The following WDPCP variants were observed in gnomAD, a reference collection of about 807,000 sequenced individuals.
The protein encoded by WDPCP is WD repeat containing planar cell polarity effector.
Under a neutral mutation model 93.1 loss-of-function variants are expected in WDPCP, and 71 were observed. That is an observed-to-expected ratio of 0.76 (90% CI 0.63 to 0.93). The LOEUF is 0.93. WDPCP is among the 40% of genes least tolerant of loss of function. WDPCP has a pLI of 0.00. For missense variants in WDPCP, 844 were observed against 887.4 expected, an observed-to-expected ratio of 0.95 and a Z score of 0.62; for synonymous variants, 315 against 315.0, an observed-to-expected ratio of 1.00 and a Z score of 0.00.
chr2:63,595,297 A>C, intron 3 of WDPCP: 2 of 714,302 alleles, frequency 2.8e-6, no homozygotes, highest in Non-Finnish European at 5.1e-6. Context: ...CTCCTAAAAT[A>C]ATCATCATGA....
intron 17 of WDPCP, among the ~76,000 whole-genome samples, chr2:63,146,812 T>A (rs1016619148): frequency 6.6e-6 from 1 of 152,304 alleles, no homozygotes; most frequent in Non-Finnish European, 1.5e-5. Context: ...ATAAGATGGA[T>A]TGATAAAGGG....
In WDPCP at chr2:63,127,949, G is replaced by T. The variant is rs1574668543; in HGVS notation, c.2191-5893C>A. The stretch of plus-strand genomic sequence containing the variant: ...AGGTCAGAAGTTCAAGACCAGCCTG[G>T]CCAACATGGTGAAACCCTGTCTCTT... On this transcript the variant is annotated intron_variant, in intron 17 of 17. Coordinates refer to ENST00000272321, the MANE Select transcript of WDPCP (RefSeq NM_015910.7). Among the ~76,000 whole-genome samples the T allele has an allele frequency of 2.6e-5, 4 of 152,046 alleles. No individual in the cohort carries two copies. The South Asian group carries it at 8.3e-4, about 32-fold the overall frequency.
intron 12 of WDPCP, among the ~76,000 whole-genome samples, chr2:63,322,270 T>C (rs577032181): frequency 5.3e-5 from 8 of 152,316 alleles, no homozygotes; most frequent in African/African-American, 1.4e-4. Flanking sequence ...CAGCACTCTG[T>C]AAAATGGACC....
At chr2:63,218,031 AGTT>A (rs1175864670) in intron 14 of WDPCP, among the ~76,000 whole-genome samples, 1 of 152,210 alleles carries the variant, frequency 6.6e-6, no homozygotes, top group Non-Finnish European at 1.5e-5. Flanking sequence ...TTTACTGAGC[AGTT>A]ATACAGAATG....
At chr2:63,210,743 G>T (rs1676714041) in intron 14 of WDPCP, among the ~76,000 whole-genome samples, 1 of 152,190 alleles carries the variant, frequency 6.6e-6, no homozygotes, top group Admixed American at 6.5e-5. Flanking sequence ...TGGAAAATCA[G>T]ATCACTCCCA....
intron 2 of WDPCP, among the ~76,000 whole-genome samples, chr2:63,803,426 A>G (rs1475354953): frequency 1.3e-5 from 2 of 152,200 alleles, no homozygotes; most frequent in Non-Finnish European, 2.9e-5. Context: ...CCATCTTATC[A>G]TATTATATTG....
At chr2:63,160,380 G>A (rs1042135732) in intron 15 of WDPCP, among the ~76,000 whole-genome samples, 27 of 152,210 alleles carry the variant, frequency 1.8e-4, no homozygotes, top group African/African-American at 6.0e-4. Context: ...GAAATTTAAA[G>A]TTATGGCATT....
At chr2:63,203,015 C>T (rs1165501946) in intron 14 of WDPCP, among the ~76,000 whole-genome samples, 3 of 152,116 alleles carry the variant, frequency 2.0e-5, no homozygotes, top group African/African-American at 7.2e-5. Context: ...ATTGTACACA[C>T]GTACAGAGTC....
intron 15 of WDPCP, among the ~76,000 whole-genome samples, chr2:63,167,436 C>T (rs1490101056): frequency 6.6e-6 from 1 of 151,738 alleles, no homozygotes; most frequent in African/African-American, 2.4e-5. Context: ...CTGATTATTA[C>T]TTAAATACAT....
intron 13 of WDPCP, among the ~76,000 whole-genome samples, chr2:63,264,905 T>TA (rs1483979882): frequency 6.6e-6 from 1 of 152,124 alleles, no homozygotes; most frequent in Non-Finnish European, 1.5e-5. Context: ...TATAAATCAG[T>TA]AACAGGAACA....
chr2:63,597,683 A>C (rs1709343811), intron 3 of WDPCP: 1 of 973,326 alleles, frequency 1.0e-6, no homozygotes, highest in African/African-American at 1.7e-5. Context: ...AGTTCTGTAC[A>C]ATCATCAGTA....
chr2:63,797,297 GA>G (rs1352296015), intron 2 of WDPCP, among the ~76,000 whole-genome samples: 1 of 152,042 alleles, frequency 6.6e-6, no homozygotes, highest in Non-Finnish European at 1.5e-5. Context: ...TTCTGCTTGA[GA>G]AAGGGAGAGG....
At chr2:63,578,804 C>A (rs1281219607) in intron 1 of WDPCP, among the ~76,000 whole-genome samples, 1 of 152,050 alleles carries the variant, frequency 6.6e-6, no homozygotes, top group Admixed American at 6.6e-5. Flanking sequence ...AACACAGAAC[C>A]CATAACATTT....
chr2:63,521,145 C>A (rs1233528952), intron 1 of WDPCP, among the ~76,000 whole-genome samples: 1 of 152,126 alleles, frequency 6.6e-6, no homozygotes, highest in Non-Finnish European at 1.5e-5. Context: ...ATAAGGCAAC[C>A]ACACCAACAA....
chr2:63,227,832 T>G (rs903815708), intron 14 of WDPCP, among the ~76,000 whole-genome samples: 1 of 152,134 alleles, frequency 6.6e-6, no homozygotes, highest in Non-Finnish European at 1.5e-5. Flanking sequence ...CTTGATAATA[T>G]TCCATTTTTA....
At chr2:63,367,700 TA>T (rs1691025220) in intron 12 of WDPCP, among the ~76,000 whole-genome samples, 1 of 152,210 alleles carries the variant, frequency 6.6e-6, no homozygotes, top group Admixed American at 6.5e-5. Context: ...GTTACTCCTG[TA>T]ATCAGAAAGT....
rs376484403 is a variant in WDPCP, at chr2:63,776,482, C to T, written n.308+37140G>A. Among the ~76,000 whole-genome samples the T allele has an allele frequency of 8.6e-4, 131 of 151,772 alleles. 1 individual carries two copies. The Middle Eastern group carries it at 0.014, about 16-fold the overall frequency. ...CCAGCCTGGGCAACGTGGTAAAACC[C>T]CATATCTACAAAAAATACAAAAAAT... is the stretch of plus-strand genomic sequence containing the variant. On this transcript the variant is annotated intron_variant and non_coding_transcript_variant, in intron 2 of 4. Transcript: ENST00000467687.
At chr2:63,644,459 G>A (rs1710024092) in intron 3 of WDPCP, among the ~76,000 whole-genome samples, 2 of 152,010 alleles carry the variant, frequency 1.3e-5, no homozygotes, top group Non-Finnish European at 2.9e-5. Flanking sequence ...GGCCAGGCTG[G>A]TCTTGAACTC....
Position 63,492,957 on chromosome 2 carries a change from TAA to T in WDPCP, c.76-19_76-18del, listed in dbSNP as rs1439453880. ...ATCTCTATCCTGTTTAAAAAATAAT[TAA>T]AAAGAGGTGCCAATTAATTATCTTC... On this transcript the variant is annotated intron_variant, in intron 1 of 17. Transcript: ENST00000272321. The T allele has an allele frequency of 4.4e-6, 7 of 1,604,988 alleles. No homozygotes were observed. Among genetic ancestry groups the T allele is most frequent in the Non-Finnish European group, 6.0e-6 (7 of 1,172,612 alleles).
Sources: allele counts gnomAD v4.1 joint callset (sites outside exome capture counted in the v4.1 genomes callset), GRCh38; gene constraint gnomAD v4.1.1; transcripts MANE v1.5; gene names NCBI Gene and HGNC (gene_info 2026-07-23, HGNC 2026-07-21).